Variants in BAZ1A observed in about 807,000 individuals in gnomAD.
BAZ1A encodes the protein bromodomain adjacent to zinc finger domain 1A.
Under a neutral mutation model 185.2 loss-of-function variants are expected in BAZ1A, and 50 were observed. That is an observed-to-expected ratio of 0.27 (90% CI 0.22 to 0.34). BAZ1A has a LOEUF of 0.34. Ranked by LOEUF, BAZ1A falls within the 10% of genes least tolerant of loss-of-function variation. The pLI is 1.00. For synonymous variants in BAZ1A, 571 were observed against 615.6 expected, an observed-to-expected ratio of 0.93 and a Z score of 1.07; for missense variants, 1,356 against 1,839.9, an observed-to-expected ratio of 0.74 and a Z score of 4.81.
rs35955993 is a variant in BAZ1A at position 34,872,913 on chromosome 14, T to TAAAAAAAAAAAAAAAAAA, written c.113+1561_113+1578dup. Among the ~76,000 whole-genome samples the TAAAAAAAAAAAAAAAAAA allele has an allele frequency of 7.9e-5, 6 of 76,180 alleles. 1 individual carries two copies. Among genetic ancestry groups the TAAAAAAAAAAAAAAAAAA allele is most frequent in the African/African-American group, 2.1e-4 (3 of 14,388 alleles). 50.0% of individuals were successfully genotyped at this position (76,180 alleles called of 152,430 possible). On this transcript the variant is annotated intron_variant, in intron 2 of 26. Transcript: ENST00000360310. Reference sequence around the variant, plus strand: ...AGCAAGGCCTGTAGCTTTAAAATCCTAAAAAAAAAAAAAAAAAAAAAAAAA... The same window carrying TAAAAAAAAAAAAAAAAAA: ...AGCAAGGCCTGTAGCTTTAAAATCCTAAAAAAAAAAAAAAAAAAAAAAAAAAAAAAAAAAAAAAAAAAA...
At chr14:34,802,554 C>T (rs1881622233) in intron 7 of BAZ1A, among the ~76,000 whole-genome samples, 1 of 152,194 alleles carries the variant, frequency 6.6e-6, no homozygotes, top group African/African-American at 2.4e-5. Context: ...GCTCTTTATT[C>T]TACACTTCAA....
intron 26 of BAZ1A, 42 bp from the exon 27 acceptor site, chr14:34,753,746 T>A: frequency 7.4e-7 from 1 of 1,357,544 alleles, no homozygotes; most frequent in Non-Finnish European, 9.9e-7. Context: ...TGAAAGTACA[T>A]AAATTATAAT....
chr14:34,840,866 T>C (rs998588480), intron 3 of BAZ1A, among the ~76,000 whole-genome samples: 6 of 152,204 alleles, frequency 3.9e-5, no homozygotes, highest in South Asian at 4.1e-4. Context: ...ACCACCTACT[T>C]GTAGACCCCT....
Position 34,795,782 on chromosome 14 carries a change from G to A in BAZ1A, c.1129-17C>T. On this transcript the variant is annotated splice_polypyrimidine_tract_variant and intron_variant, in intron 9 of 26. Transcript: ENST00000360310. ...CTCTCTTTCCTAGAAATTTTTAAAAGTTAATAACAATTCATGTAAGAAATT... is the reference window on the plus strand; with the variant it reads ...CTCTCTTTCCTAGAAATTTTTAAAAATTAATAACAATTCATGTAAGAAATT... The A allele has an allele frequency of 6.3e-7, 1 of 1,577,100 alleles. No homozygotes were observed. Among genetic ancestry groups the A allele is most frequent in the Non-Finnish European group, 8.7e-7 (1 of 1,152,672 alleles).
rs1390318444 is a variant in BAZ1A, at chr14:34,836,248, G to A, written c.393-10092C>T. Among the ~76,000 whole-genome samples the A allele has an allele frequency of 2.8e-5, 2 of 70,800 alleles. 1 individual carries two copies. The highest frequency in any genetic ancestry group is 6.0e-5 in the Non-Finnish European group (2 of 33,196). The allele number at this position is 70,800 out of a possible 152,430, so 46.4% of individuals were successfully genotyped here. On this transcript the variant is annotated intron_variant, in intron 3 of 26. Coordinates refer to ENST00000360310, the MANE Select transcript of BAZ1A (RefSeq NM_013448.3). ...CAAAAAATTAGCCGGGCGTGGTAGC[G>A]GGCGCCTGTAGTCCCAGCTACTCGG...
rs111731656 is a variant in BAZ1A at position 34,788,400 on chromosome 14, C to T, written c.1511-2179G>A. Among the ~76,000 whole-genome samples the T allele has an allele frequency of 3.2e-3, 490 of 152,032 alleles. 3 individuals carry two copies. The highest frequency in any genetic ancestry group is 0.011 in the African/African-American group (471 of 41,448). ...CTCACTACAACCTCTGCCTTCCGGG[C>T]TCAAGCCATCCTCCCACCTCGGCCT... is the stretch of plus-strand genomic sequence containing the variant. On this transcript the variant is annotated intron_variant, in intron 12 of 26. Transcript: ENST00000360310.
intron 21 of BAZ1A, chr14:34,768,657 A>G: frequency 2.6e-6 from 1 of 380,414 alleles, no homozygotes; most frequent in Admixed American, 3.7e-5. Flanking sequence ...AAAAAGACAA[A>G]ACATAAATTT....
At chr14:34,769,896 G>T (rs1879098248) in intron 21 of BAZ1A, among the ~76,000 whole-genome samples, 1 of 152,166 alleles carries the variant, frequency 6.6e-6, no homozygotes, top group African/African-American at 2.4e-5. Context: ...AAATAAAAGT[G>T]ACATAGCAAA....
chr14:34,778,855 TTTTTA>T (rs1237505767), intron 17 of BAZ1A, among the ~76,000 whole-genome samples: 13 of 152,122 alleles, frequency 8.5e-5, no homozygotes, highest in African/African-American at 2.7e-4. Context: ...CTTTACTATA[TTTTTA>T]TTTTATTTTT....
intron 26 of BAZ1A, 82 bp from the exon 27 acceptor site, chr14:34,753,786 T>G: frequency 8.2e-7 from 1 of 1,220,026 alleles, no homozygotes; most frequent in African/African-American, 1.5e-5. Flanking sequence ...TATCTGGAAA[T>G]TTTATTAAGA....
In BAZ1A at chr14:34,761,822, A is replaced by G. The variant is rs1170462369; in HGVS notation, c.4178T>C (p.Ile1393Thr). The G allele has an allele frequency of 3.7e-6, 6 of 1,614,082 alleles. No individual in the cohort carries two copies. Among genetic ancestry groups the G allele is most frequent in the Admixed American group, 1.7e-5 (1 of 59,994 alleles). The part of the protein sequence containing the change: ...KSSEQSRSVN[I>T]ASKLSLQESE... Reference sequence around the variant, plus strand: ...CTCTTGGAGAGAAAGTTTTGAAGCAATATTTACAGATCTTGACTGTTCACT... The same window carrying G: ...CTCTTGGAGAGAAAGTTTTGAAGCAGTATTTACAGATCTTGACTGTTCACT... The change falls in exon 24 of 27, where the codon ATT (isoleucine) becomes ACT (threonine). Residue 1393 changes from isoleucine to threonine, a missense_variant. Coordinates refer to ENST00000360310, the MANE Select transcript of BAZ1A (RefSeq NM_013448.3).
chr14:34,847,682 A>G (rs1206675859), intron 3 of BAZ1A, among the ~76,000 whole-genome samples: 1 of 152,198 alleles, frequency 6.6e-6, no homozygotes, highest in Non-Finnish European at 1.5e-5. Flanking sequence ...ATCTTACCGC[A>G]TCAATATATT....
At chr14:34,758,935 CA>C (rs1204671596) in intron 24 of BAZ1A, 89 bp from the exon 25 acceptor site, 1 of 1,360,792 alleles carries the variant, frequency 7.3e-7, no homozygotes, top group East Asian at 2.3e-5. Flanking sequence ...TACCAAATTC[CA>C]ACAGAAAATA....
Position 34,843,144 on chromosome 14 carries a change from C to A in BAZ1A, c.393-16988G>T, listed in dbSNP as rs181006712. Among the ~76,000 whole-genome samples the A allele has an allele frequency of 4.8e-3, 729 of 151,246 alleles. 8 individuals carry two copies. Among genetic ancestry groups the A allele is most frequent in the African/African-American group, 0.017 (698 of 41,256 alleles). On this transcript the variant is annotated intron_variant, in intron 3 of 26. Transcript: ENST00000360310. Reference sequence around the variant, plus strand: ...TAAAAAAAAAAAAAAGATGAGTCATCACAGCTGGCAGATTCTTCACTTGTC... The same window carrying A: ...TAAAAAAAAAAAAAAGATGAGTCATAACAGCTGGCAGATTCTTCACTTGTC...
At chr14:34,759,677 AT>A (rs1247348524) in intron 24 of BAZ1A, among the ~76,000 whole-genome samples, 5 of 131,858 alleles carry the variant, frequency 3.8e-5, no homozygotes, top group African/African-American at 8.7e-5. Flanking sequence ...AATTTTATTT[AT>A]TTTATTTAAT....
At chr14:34,814,608 G>A (rs1469575077) in intron 4 of BAZ1A, among the ~76,000 whole-genome samples, 1 of 151,192 alleles carries the variant, frequency 6.6e-6, no homozygotes, top group Non-Finnish European at 1.5e-5. Context: ...AGCTGGGTCT[G>A]CAGGCATGTG....
intron 9 of BAZ1A, among the ~76,000 whole-genome samples, chr14:34,796,498 A>G (rs1594850024): frequency 6.6e-6 from 1 of 152,228 alleles, no homozygotes; most frequent in Non-Finnish European, 1.5e-5. Flanking sequence ...AACAGCCTAG[A>G]GATACAAAGA....
At chr14:34,811,170 G>A in intron 4 of BAZ1A, 134 bp from the exon 5 acceptor site, 1 of 591,536 alleles carries the variant, frequency 1.7e-6, no homozygotes, top group Non-Finnish European at 2.9e-6. Flanking sequence ...TTGAGATGGA[G>A]TCTCACTCTT....
At chr14:34,825,929 C>A (rs907661503) in intron 4 of BAZ1A, 84 bp downstream of exon 4, 14 of 1,306,998 alleles carry the variant, frequency 1.1e-5, no homozygotes, top group Non-Finnish European at 1.2e-5. Flanking sequence ...AAGAGTGAAA[C>A]TCTATCTCAA....
Sources: allele counts gnomAD v4.1 joint callset (sites outside exome capture counted in the v4.1 genomes callset), GRCh38; gene constraint gnomAD v4.1.1; transcripts MANE v1.5; gene names NCBI Gene and HGNC (gene_info 2026-07-23, HGNC 2026-07-21).